The following PSMD14 variants were observed in gnomAD, a reference collection of about 807,000 sequenced individuals.
PSMD14 encodes ubiquitin C-terminal hydrolase PSMD14.
PSMD14 carries 7 observed loss-of-function variants against 41.2 expected under a neutral mutation model. That is an observed-to-expected ratio of 0.17 (90% confidence interval 0.10 to 0.32). The LOEUF (loss-of-function observed/expected upper bound fraction) is 0.32. Ranked by LOEUF, PSMD14 falls within the 10% of genes least tolerant of loss-of-function variation. The probability of loss-of-function intolerance (pLI) is 1.00; values close to 1 mark genes in which losing one functional copy is unlikely to be tolerated. For missense variants in PSMD14, 139 were observed against 375.6 expected (o/e 0.37, Z 5.21); for synonymous variants, 114 against 122.3 (o/e 0.93, Z 0.45).
In PSMD14 at chr2:161,411,469, A is replaced by C. The variant is rs1684024353; in HGVS notation, c.*69A>C. The stretch of plus-strand genomic sequence containing the variant: ...TCTGTTGTTCCTAATGCTCAAAATC[A>C]AGGGACCTCTGAAGGTGTACTTGGC... On this transcript the variant is annotated 3_prime_UTR_variant, in exon 12 of 12. Coordinates refer to ENST00000409682, the MANE Select transcript of PSMD14 (RefSeq NM_005805.6). 10 of 1,152,612 alleles carry C rather than the reference A, an allele frequency of 8.7e-6. No homozygotes were observed. Among genetic ancestry groups the C allele is most frequent in the Non-Finnish European group, 1.2e-5 (10 of 814,842 alleles). The allele number at this position is 1,152,612 out of a possible 1,614,324, so 71.4% of individuals were successfully genotyped here. A position where few individuals can be genotyped will look rare whatever the true frequency, so the allele number is the denominator to read the frequency against.
chr2:161,361,528 T>C (rs972329048), intron 3 of PSMD14, among the ~76,000 whole-genome samples: 2 of 152,102 alleles, frequency 1.3e-5, no homozygotes, highest in Admixed American at 1.3e-4. Context: ...AACTTGTAAA[T>C]TTTTCAGTTT....
At chr2:161,375,703 G>C (rs1471168110) in intron 7 of PSMD14, among the ~76,000 whole-genome samples, 1 of 151,814 alleles carries the variant, frequency 6.6e-6, no homozygotes, top group Non-Finnish European at 1.5e-5. Context: ...CAAAAGATGG[G>C]GCTTTGGAGA....
Position 161,391,168 on chromosome 2 carries a change from TG to T in PSMD14, c.637del (p.Glu213AsnfsTer6). ...ACTATTAACTATCGGAAAAATGAAC[TG>T]GAACAGAAGGTAAGTTTAAATTTTT... ...SITINYRKNELEQKMLLNLHK... is the reference protein window; with the variant it reads ...SITINYRKNEXEQKMLLNLHK... On this transcript the variant is annotated frameshift_variant, in exon 9 of 12. Coordinates refer to ENST00000409682, the MANE Select transcript of PSMD14 (RefSeq NM_005805.6). LOFTEE classifies it high-confidence loss of function. 2 of 1,527,374 alleles carry T rather than the reference TG, an allele frequency of 1.3e-6. No individual in the cohort carries two copies. The highest frequency in any genetic ancestry group is 1.3e-5 in the South Asian group (1 of 78,684). 94.6% of individuals were successfully genotyped at this position (1,527,374 alleles called of 1,614,324 possible).
intron 2 of PSMD14, among the ~76,000 whole-genome samples, chr2:161,318,079 A>G (rs1689164533): frequency 6.6e-6 from 1 of 152,178 alleles, no homozygotes; most frequent in African/African-American, 2.4e-5. Flanking sequence ...ACTAAATCAG[A>G]TTGATATAGT....
chr2:161,312,420 A>C (rs1689099374), intron 1 of PSMD14, among the ~76,000 whole-genome samples: 1 of 152,234 alleles, frequency 6.6e-6, no homozygotes, highest in Admixed American at 6.5e-5. Flanking sequence ...CTGGGATTAC[A>C]GGCATGAGCC....
At chr2:161,315,151 G>T (rs1443368576) in intron 1 of PSMD14, among the ~76,000 whole-genome samples, 1 of 152,152 alleles carries the variant, frequency 6.6e-6, no homozygotes, top group Non-Finnish European at 1.5e-5. Flanking sequence ...GGGGACGTTT[G>T]GTAAAGCTTG....
At chr2:161,315,989 C>T (rs1689143903) in intron 1 of PSMD14, among the ~76,000 whole-genome samples, 1 of 151,912 alleles carries the variant, frequency 6.6e-6, no homozygotes, top group South Asian at 2.1e-4. Context: ...TTACAGGTGC[C>T]TGCCACCACG....
At chr2:161,381,873 G>T (rs911355199) in intron 7 of PSMD14, 3 of 151,832 alleles carry the variant, frequency 2.0e-5, no homozygotes, top group African/African-American at 7.2e-5. Context: ...TTTTGTATTG[G>T]CAGCTTCCAA....
intron 10 of PSMD14, among the ~76,000 whole-genome samples, chr2:161,406,978 A>G (rs968955720): frequency 3.3e-5 from 5 of 152,050 alleles, no homozygotes; most frequent in Non-Finnish European, 7.4e-5. Context: ...ATATTCCGCA[A>G]TACTCCCTAA....
At chr2:161,344,927 T>C (rs1683018869) in intron 3 of PSMD14, among the ~76,000 whole-genome samples, 1 of 152,212 alleles carries the variant, frequency 6.6e-6, no homozygotes, top group East Asian at 1.9e-4. Flanking sequence ...CTTTTTTGAC[T>C]TCTGCTTTTG....
At chr2:161,345,103 G>A (rs1398694721) in intron 3 of PSMD14, among the ~76,000 whole-genome samples, 1 of 152,040 alleles carries the variant, frequency 6.6e-6, no homozygotes, top group East Asian at 1.9e-4. Context: ...ATACTCAGTT[G>A]TCTCACACCA....
At chr2:161,324,494 A>G (rs757249742) in intron 3 of PSMD14, among the ~76,000 whole-genome samples, 1 of 152,214 alleles carries the variant, frequency 6.6e-6, no homozygotes, top group Non-Finnish European at 1.5e-5. Flanking sequence ...AGGCTAGAGA[A>G]TAGATACATA....
At chr2:161,379,801 T>A (rs1195859787) in intron 7 of PSMD14, among the ~76,000 whole-genome samples, 1 of 152,054 alleles carries the variant, frequency 6.6e-6, no homozygotes, top group Admixed American at 6.6e-5. Context: ...AGACTGCAGC[T>A]AGTGCTCAGA....
At chr2:161,410,091 C>G (rs1684002744) in intron 11 of PSMD14, among the ~76,000 whole-genome samples, 1 of 152,076 alleles carries the variant, frequency 6.6e-6, no homozygotes, top group Non-Finnish European at 1.5e-5. Flanking sequence ...TAATAATCAT[C>G]AGAATCATTT....
intron 9 of PSMD14, among the ~76,000 whole-genome samples, chr2:161,393,093 A>G (rs1683736143): frequency 6.6e-6 from 1 of 152,084 alleles, no homozygotes; most frequent in African/African-American, 2.4e-5. Context: ...CTCTGCCTTT[A>G]CTCTTATCCA....
intron 3 of PSMD14, among the ~76,000 whole-genome samples, chr2:161,327,002 G>T (rs1463911292): frequency 6.6e-6 from 1 of 152,090 alleles, no homozygotes; most frequent in Non-Finnish European, 1.5e-5. Flanking sequence ...GATATGGAGG[G>T]CTGATTGTAC....
rs888260679 is a variant in PSMD14 at position 161,320,320 on chromosome 2, C to A, written c.48+1447C>A. Among the ~76,000 whole-genome samples the A allele has an allele frequency of 3.9e-5, 6 of 152,142 alleles. No homozygotes were observed. In the South Asian group the frequency reaches 6.2e-4, roughly 16 times the overall value. On this transcript the variant is annotated intron_variant, in intron 3 of 11. Coordinates refer to ENST00000409682, the MANE Select transcript of PSMD14 (RefSeq NM_005805.6). Reference sequence around the variant, plus strand: ...CATCTTGGAAATCCATGCTGGAAAACCCCTGGACATGAAATAATGGTTTTA... The same window carrying A: ...CATCTTGGAAATCCATGCTGGAAAAACCCTGGACATGAAATAATGGTTTTA...
rs193016936 is a variant in PSMD14, at chr2:161,348,609, A to G, written c.49-18869A>G. On this transcript the variant is annotated intron_variant, in intron 3 of 11. Transcript: ENST00000409682. ...AAAGCACATGGAGGAATAATTCTAT[A>G]CGATTGTTTTTATGTACAATTTTAA... Among the ~76,000 whole-genome samples, 347 of 152,376 alleles carry G rather than the reference A, an allele frequency of 2.3e-3. 2 individuals are homozygous for G. The highest frequency in any genetic ancestry group is 2.7e-3 in the Non-Finnish European group (182 of 68,036).
At chr2:161,336,353 C>G (rs996643943) in intron 3 of PSMD14, among the ~76,000 whole-genome samples, 1 of 152,120 alleles carries the variant, frequency 6.6e-6, no homozygotes, top group African/African-American at 2.4e-5. Flanking sequence ...TATTTTATGG[C>G]ATATTGGTCG....
Sources: allele counts gnomAD v4.1 joint callset (sites outside exome capture counted in the v4.1 genomes callset), GRCh38; gene constraint gnomAD v4.1.1; transcripts MANE v1.5; gene names NCBI Gene and HGNC (gene_info 2026-07-23, HGNC 2026-07-21).